The following GCNT2 variants were observed in gnomAD, a reference collection of about 807,000 sequenced individuals.
GCNT2 encodes glucosaminyl (N-acetyl) transferase 2 (I blood group).
Under a neutral mutation model 34.2 loss-of-function variants are expected in GCNT2, and 34 were observed. The ratio of observed to expected loss-of-function variants is 1.00; its 90% CI spans 0.76 to 1.32. The LOEUF (loss-of-function observed/expected upper bound fraction) is 1.32. Ranked by LOEUF, GCNT2 falls within the 40% of genes most tolerant of loss-of-function variation. The pLI, the probability that GCNT2 is intolerant of heterozygous loss-of-function variation, is 0.00. For synonymous variants in GCNT2, 212 were observed against 188.0 expected (o/e 1.13, Z -1.04); for missense variants, 584 against 489.4 (o/e 1.19, Z -1.82).
At chr6:10,578,755 T>C (rs1581435978) in intron 3 of GCNT2, among the ~76,000 whole-genome samples, 1 of 152,174 alleles carries the variant, frequency 6.6e-6, no homozygotes, top group East Asian at 1.9e-4. Context: ...CCGGAGCTTA[T>C]ATTCTTGTGG....
chr6:10,604,241 A>C (rs887508895), intron 3 of GCNT2, among the ~76,000 whole-genome samples: 2 of 152,086 alleles, frequency 1.3e-5, no homozygotes, highest in South Asian at 2.1e-4. Context: ...AGATTTCATA[A>C]TGTGTTTTTT....
chr6:10,603,085 A>G (rs1485560530), intron 3 of GCNT2, among the ~76,000 whole-genome samples: 3 of 152,156 alleles, frequency 2.0e-5, no homozygotes, highest in Admixed American at 2.0e-4. Context: ...TGCTGCAAAC[A>G]ACAGAATCTC....
chr6:10,550,785 A>C (rs1762445981), intron 3 of GCNT2, among the ~76,000 whole-genome samples: 1 of 152,168 alleles, frequency 6.6e-6, no homozygotes, highest in South Asian at 2.1e-4. Flanking sequence ...ACTTGTCAGA[A>C]ATGTAAATTA....
Position 10,622,455 on chromosome 6 carries a change from A to C in GCNT2, c.1018+1012A>C, listed in dbSNP as rs956188882. ...TCCCTCTGTGCGTGTCTGTGTCCTA[A>C]TCGCCTCTTCTTCTAAGGAGACCAG... is the stretch of plus-strand genomic sequence containing the variant. On this transcript the variant is annotated intron_variant, in intron 4 of 4. Transcript: ENST00000495262. Among the ~76,000 whole-genome samples, 6 of 151,850 alleles carry C rather than the reference A, an allele frequency of 4.0e-5. No homozygotes were observed. The East Asian group carries it at 1.2e-3, about 30-fold the overall frequency.
At chr6:10,560,945 G>GCC (rs1380120541) in intron 3 of GCNT2, among the ~76,000 whole-genome samples, 1 of 152,118 alleles carries the variant, frequency 6.6e-6, no homozygotes, top group Non-Finnish European at 1.5e-5. Context: ...GGGGTGTCTA[G>GCC]CCCCCTCCCT....
At chr6:10,530,092 T>TGGCTCAAGCCTGTAATCACAGC in intron 3 of GCNT2, 1 of 429,772 alleles carries the variant, frequency 2.3e-6, no homozygotes, top group South Asian at 2.4e-5. Flanking sequence ...CCGAGCACAG[T>TGGCTCAAGCCTGTAATCACAGC]GGCTCAAGCC....
At chr6:10,614,625 C>CAAAA (rs34015959) in intron 3 of GCNT2, among the ~76,000 whole-genome samples, 19 of 105,920 alleles carry the variant, frequency 1.8e-4, no homozygotes, top group African/African-American at 8.8e-4. Flanking sequence ...GACTCTGTCT[C>CAAAA]AAAAAAAAAA....
At chr6:10,617,280 C>G (rs948200135) in intron 3 of GCNT2, among the ~76,000 whole-genome samples, 7 of 152,216 alleles carry the variant, frequency 4.6e-5, no homozygotes, top group African/African-American at 1.7e-4. Context: ...CCTCACTGCC[C>G]CGGGCGGCGG....
intron 3 of GCNT2, among the ~76,000 whole-genome samples, chr6:10,588,904 GGTGT>G (rs1554134595): frequency 1.9e-5 from 2 of 106,332 alleles, no homozygotes; most frequent in Admixed American, 2.0e-4. Context: ...TGTGTTGTGT[GGTGT>G]GTGTGTAGTG....
intron 3 of GCNT2, among the ~76,000 whole-genome samples, chr6:10,608,200 C>G (rs1013654180): frequency 2.6e-5 from 4 of 151,482 alleles, no homozygotes; most frequent in African/African-American, 4.9e-5. Context: ...GCCTCAGTCT[C>G]CTGAGTAGCT....
chr6:10,616,711 T>C (rs1248456046), intron 3 of GCNT2, among the ~76,000 whole-genome samples: 2 of 152,128 alleles, frequency 1.3e-5, no homozygotes, highest in Non-Finnish European at 2.9e-5. Flanking sequence ...AGACACAGGG[T>C]GCTGATTGGT....
At chr6:10,571,133 G>A (rs1463392964) in intron 3 of GCNT2, among the ~76,000 whole-genome samples, 2 of 152,116 alleles carry the variant, frequency 1.3e-5, no homozygotes, top group African/African-American at 4.8e-5. Context: ...CTGGCTGATT[G>A]TCCTGCTCCT....
rs1766351981 is a variant in GCNT2, at chr6:10,628,334, T to C, written c.*1727T>C. On this transcript the variant is annotated 3_prime_UTR_variant, in exon 5 of 5. Coordinates refer to ENST00000495262, the MANE Select transcript of GCNT2 (RefSeq NM_145649.5). Reference sequence around the variant, plus strand: ...GATGACACATTTAATGAACACAATTTTATTTTTTTTCTGTAACTGTGCTTG... The same window carrying C: ...GATGACACATTTAATGAACACAATTCTATTTTTTTTCTGTAACTGTGCTTG... 1.3e-5 allele frequency: 2 copies of C among 152,662 alleles called. No homozygotes were observed. Among genetic ancestry groups the C allele is most frequent in the African/African-American group, 4.8e-5 (2 of 41,466 alleles). 9.5% of individuals were successfully genotyped at this position (152,662 alleles called of 1,614,324 possible).
At chr6:10,561,760 C>T (rs1319597573) in intron 3 of GCNT2, among the ~76,000 whole-genome samples, 1 of 151,868 alleles carries the variant, frequency 6.6e-6, no homozygotes, top group Admixed American at 6.6e-5. Context: ...TGATATTTTT[C>T]TTCCATAAGA....
chr6:10,587,476 C>G (rs939966421), intron 3 of GCNT2, among the ~76,000 whole-genome samples: 1 of 152,202 alleles, frequency 6.6e-6, no homozygotes, highest in African/African-American at 2.4e-5. Flanking sequence ...TTCTACAAAT[C>G]TAACCTGATA....
chr6:10,587,904 C>T (rs182668701), intron 3 of GCNT2, among the ~76,000 whole-genome samples: 2 of 152,228 alleles, frequency 1.3e-5, no homozygotes, highest in Admixed American at 6.5e-5. Context: ...TGTCTACACA[C>T]ACACACTGCA....
At chr6:10,579,277 A>G (rs1219428053) in intron 3 of GCNT2, among the ~76,000 whole-genome samples, 5 of 152,204 alleles carry the variant, frequency 3.3e-5, no homozygotes, top group Admixed American at 2.0e-4. Flanking sequence ...ATTAAAAACA[A>G]TGACTCAATG....
chr6:10,615,004 T>C (rs1765703619), intron 3 of GCNT2, among the ~76,000 whole-genome samples: 1 of 152,194 alleles, frequency 6.6e-6, no homozygotes. Flanking sequence ...TTAAAATGCA[T>C]ATATTCCTAG....
At chr6:10,623,249 C>T (rs1191158587) in intron 4 of GCNT2, among the ~76,000 whole-genome samples, 1 of 136,798 alleles carries the variant, frequency 7.3e-6, no homozygotes, top group Non-Finnish European at 1.6e-5. Flanking sequence ...TTTAATCAGC[C>T]TGTATTTTCT....
Sources: allele counts gnomAD v4.1 joint callset (sites outside exome capture counted in the v4.1 genomes callset), GRCh38; gene constraint gnomAD v4.1.1; transcripts MANE v1.5; gene names NCBI Gene and HGNC (gene_info 2026-07-23, HGNC 2026-07-21).